JAM3: variants seen among roughly 807,000 people sequenced by gnomAD.
JAM3 encodes junctional adhesion molecule 3, also known as junctional adhesion molecule C.
In JAM3, 31 loss-of-function variants were observed where a neutral mutation model predicts 39.4. The ratio of observed to expected loss-of-function variants is 0.79; its 90% CI spans 0.59 to 1.06. The LOEUF (loss-of-function observed/expected upper bound fraction) is 1.06, where lower values mean the gene tolerates loss of function less well. JAM3 is among the 50% of genes least tolerant of loss of function. JAM3 has a pLI of 0.00. For missense variants in JAM3, 455 were observed against 391.4 expected (o/e 1.16, Z -1.37); for synonymous variants, 182 against 148.7 (o/e 1.22, Z -1.63).
At chr11:134,099,884 C>T (rs764865857) in intron 1 of JAM3, among the ~76,000 whole-genome samples, 8 of 152,164 alleles carry the variant, frequency 5.3e-5, no homozygotes, top group Non-Finnish European at 8.8e-5. Flanking sequence ...GGATTACAGG[C>T]GTGAGCCACC....
chr11:134,070,278 G>C (rs646763), intron 1 of JAM3: 97,778 of 454,030 alleles, frequency 0.22, 11,301 homozygotes, highest in East Asian at 0.39. Flanking sequence ...GCCATCCGCA[G>C]GTAACCAGAC....
In JAM3 at chr11:134,130,223, G is replaced by A. The variant is rs1380326347; in HGVS notation, c.77-9628G>A. Among the ~76,000 whole-genome samples, 3 of 152,176 alleles carry A rather than the reference G, an allele frequency of 2.0e-5. No individual in the cohort carries two copies. In the East Asian group the frequency reaches 5.8e-4, roughly 29 times the overall value. ...CACAATGCCAGTTTACCGACTTACA[G>A]TGAGAATGAGAGCTCCGTTATCAAA... On this transcript the variant is annotated intron_variant, in intron 1 of 8. Transcript: ENST00000299106.
rs530560229 is a variant in JAM3 at position 134,099,306 on chromosome 11, G to C, written c.76+30147G>C. 5.3e-5 allele frequency among the ~76,000 whole-genome samples: 8 copies of C among 152,282 alleles called. No individual in the cohort carries two copies. In the East Asian group the frequency reaches 1.4e-3, roughly 26 times the overall value. On this transcript the variant is annotated intron_variant, in intron 1 of 8. Coordinates refer to ENST00000299106, the MANE Select transcript of JAM3 (RefSeq NM_032801.5). ...AGCCTGGGCAAGCAGCTCTTGGCCTGGGAAAGGCAGGCCCAGGAACAGATT... is the reference window on the plus strand; with the variant it reads ...AGCCTGGGCAAGCAGCTCTTGGCCTCGGAAAGGCAGGCCCAGGAACAGATT...
intron 6 of JAM3, among the ~76,000 whole-genome samples, chr11:134,147,180 C>T (rs557328013): frequency 3.0e-4 from 46 of 152,074 alleles, no homozygotes; most frequent in African/African-American, 1.1e-3. Flanking sequence ...GCATGCCAGG[C>T]GTGGTGGCTC....
At chr11:134,123,877 G>A (rs1942586520) in intron 1 of JAM3, 5 of 874,962 alleles carry the variant, frequency 5.7e-6, no homozygotes, top group Admixed American at 1.7e-5. Flanking sequence ...CACATCTTAG[G>A]TCAGTATTTC....
At chr11:134,129,081 C>T (rs1565499271) in intron 1 of JAM3, among the ~76,000 whole-genome samples, 1 of 151,392 alleles carries the variant, frequency 6.6e-6, no homozygotes, top group African/African-American at 2.4e-5. Flanking sequence ...CTCATATTAT[C>T]TTTCCCCTGT....
intron 1 of JAM3, among the ~76,000 whole-genome samples, chr11:134,139,408 A>G (rs1329554035): frequency 6.6e-6 from 1 of 152,162 alleles, no homozygotes; most frequent in African/African-American, 2.4e-5. Flanking sequence ...TGCCGTCCCG[A>G]AGGGAAGAGT....
chr11:134,117,394 A>C (rs959193532), intron 1 of JAM3, among the ~76,000 whole-genome samples: 1 of 152,086 alleles, frequency 6.6e-6, no homozygotes, highest in Non-Finnish European at 1.5e-5. Context: ...AAAGAAAAAC[A>C]ATCCAAATTG....
At chr11:134,102,741 A>G (rs946695998) in intron 1 of JAM3, among the ~76,000 whole-genome samples, 1 of 152,252 alleles carries the variant, frequency 6.6e-6, no homozygotes, top group African/African-American at 2.4e-5. Context: ...AGCTGATTCA[A>G]TCAACTGGAA....
intron 1 of JAM3, among the ~76,000 whole-genome samples, chr11:134,133,161 A>G (rs1398717123): frequency 1.3e-5 from 2 of 152,080 alleles, no homozygotes; most frequent in African/African-American, 4.8e-5. Flanking sequence ...GCCTTGGTGA[A>G]CTCATTTATT....
chr11:134,069,642 G>C (rs907306271), intron 1 of JAM3, among the ~76,000 whole-genome samples: 1 of 152,014 alleles, frequency 6.6e-6, no homozygotes, highest in Non-Finnish European at 1.5e-5. Context: ...CGGTGGGCAC[G>C]GCCCTCTGGA....
chr11:134,079,906 A>G (rs1293116599), intron 1 of JAM3, among the ~76,000 whole-genome samples: 1 of 152,202 alleles, frequency 6.6e-6, no homozygotes, highest in Non-Finnish European at 1.5e-5. Context: ...TAGCCAGGTA[A>G]ACTTGGTTTG....
At chr11:134,114,182 A>G (rs1242595220) in intron 1 of JAM3, among the ~76,000 whole-genome samples, 2 of 152,148 alleles carry the variant, frequency 1.3e-5, no homozygotes, top group Non-Finnish European at 2.9e-5. Context: ...TGCTGTGCAG[A>G]AGCTCTTTAG....
chr11:134,075,601 T>C (rs1390006473), intron 1 of JAM3, among the ~76,000 whole-genome samples: 13 of 152,166 alleles, frequency 8.5e-5, no homozygotes, highest in Middle Eastern at 3.4e-3. Flanking sequence ...TTTTTGAACA[T>C]TTTTTTGTAG....
At chr11:134,094,298 A>G (rs1192756962) in intron 1 of JAM3, among the ~76,000 whole-genome samples, 48 of 116,882 alleles carry the variant, frequency 4.1e-4, no homozygotes, top group African/African-American at 1.5e-3. Context: ...CTTCTCCTGA[A>G]CCCTCCTTAT....
At chr11:134,127,554 G>A (rs1240738153) in intron 1 of JAM3, among the ~76,000 whole-genome samples, 1 of 152,146 alleles carries the variant, frequency 6.6e-6, no homozygotes, top group Admixed American at 6.6e-5. Flanking sequence ...CAAAAAATTA[G>A]CCGGACGTGG....
intron 1 of JAM3, among the ~76,000 whole-genome samples, chr11:134,097,434 G>A (rs867854661): frequency 3.9e-5 from 6 of 152,156 alleles, no homozygotes; most frequent in Non-Finnish European, 7.3e-5. Context: ...TTGAGATTCG[G>A]TGAAATTCGC....
At chr11:134,112,008 C>T (rs1055335633) in intron 1 of JAM3, among the ~76,000 whole-genome samples, 2 of 152,188 alleles carry the variant, frequency 1.3e-5, no homozygotes, top group African/African-American at 2.4e-5. Flanking sequence ...GACAGTGGAT[C>T]TCTAAACGTG....
At chr11:134,106,481 G>C (rs940886216) in intron 1 of JAM3, among the ~76,000 whole-genome samples, 17 of 152,180 alleles carry the variant, frequency 1.1e-4, no homozygotes, top group African/African-American at 4.1e-4. Flanking sequence ...GGCAACAAAA[G>C]CCAAATTTGA....
Sources: gnomAD v4.1 joint callset for allele counts (sites outside exome capture counted in the v4.1 genomes callset) on GRCh38, gnomAD v4.1.1 for gene constraint, MANE v1.5 for transcripts, NCBI Gene and HGNC (gene_info 2026-07-23, HGNC 2026-07-21) for gene names.